UVRAG: variants seen among roughly 807,000 people sequenced by gnomAD.
UVRAG encodes UV radiation resistance associated.
UVRAG carries 19 observed loss-of-function variants against 78.0 expected under a neutral mutation model. The ratio of observed to expected loss-of-function variants is 0.24; its 90% CI spans 0.17 to 0.36. The LOEUF is 0.36. Among genes scored for constraint, UVRAG ranks in the 10% least tolerant of loss-of-function variants. The pLI, the probability that UVRAG is intolerant of heterozygous loss-of-function variation, is 1.00. For synonymous variants in UVRAG, 323 were observed against 324.6 expected (o/e 1.00, Z 0.05); for missense variants, 740 against 853.8 (o/e 0.87, Z 1.66).
intron 1 of UVRAG, among the ~76,000 whole-genome samples, chr11:75,847,024 C>A (rs2134722039): frequency 6.7e-6 from 1 of 149,862 alleles, no homozygotes; most frequent in Non-Finnish European, 1.5e-5. Flanking sequence ...GGGGTTTTGC[C>A]ATGTTAGCCA....
At chr11:76,016,227 CT>C (rs983015869) in intron 11 of UVRAG, among the ~76,000 whole-genome samples, 10 of 152,036 alleles carry the variant, frequency 6.6e-5, no homozygotes, top group Non-Finnish European at 1.5e-5. Context: ...GGTTTTTCAC[CT>C]TTTGCTTTTG....
chr11:76,044,053 A>G (rs749356904), intron 12 of UVRAG, among the ~76,000 whole-genome samples: 2 of 152,208 alleles, frequency 1.3e-5, no homozygotes, highest in African/African-American at 2.4e-5. Flanking sequence ...GCTTCAGGAA[A>G]TGCAGGCTGC....
intron 5 of UVRAG, among the ~76,000 whole-genome samples, chr11:75,905,242 C>T (rs1025044051): frequency 1.3e-5 from 2 of 152,058 alleles, no homozygotes; most frequent in Non-Finnish European, 2.9e-5. Context: ...TCCTCATCTC[C>T]TCTTAAAATG....
intron 6 of UVRAG, among the ~76,000 whole-genome samples, chr11:75,948,542 C>T (rs1044629327): frequency 2.0e-5 from 3 of 151,946 alleles, no homozygotes; most frequent in Admixed American, 6.6e-5. Flanking sequence ...TATCATGGAG[C>T]GGATTTATTT....
In UVRAG at chr11:76,004,060, T is replaced by A; in HGVS notation, c.882T>A (p.Asn294Lys). The change falls in exon 9 of 15, where the codon AAT becomes AAA. Residue 294 changes from asparagine (N) to lysine (K), a missense_variant. Physicochemically the swap from Asn to Lys is moderately conservative, Grantham distance 94. Transcript: ENST00000356136. ...TTCAACTCCAGAAGGAATCCCTAAATGAGCTGAGGAAGGAGTGCACTGCAA... is the reference window on the plus strand; with the variant it reads ...TTCAACTCCAGAAGGAATCCCTAAAAGAGCTGAGGAAGGAGTGCACTGCAA... ...LKLQLQKESL[N>K]ELRKECTAKR... The A allele has an allele frequency of 6.2e-7, 1 of 1,613,948 alleles. No individual in the cohort carries two copies. The highest frequency in any genetic ancestry group is 8.5e-7 in the Non-Finnish European group (1 of 1,179,888).
At chr11:76,096,417 G>GA (rs1216514144) in intron 13 of UVRAG, among the ~76,000 whole-genome samples, 5 of 152,110 alleles carry the variant, frequency 3.3e-5, no homozygotes, top group African/African-American at 1.2e-4. Flanking sequence ...CAGGGAGAAG[G>GA]AAAAAAATTA....
chr11:75,905,671 G>C (rs549465827), intron 5 of UVRAG, among the ~76,000 whole-genome samples: 7 of 152,040 alleles, frequency 4.6e-5, no homozygotes, highest in Admixed American at 3.9e-4. Context: ...TACACACACA[G>C]AGACACACAC....
intron 12 of UVRAG, among the ~76,000 whole-genome samples, chr11:76,021,902 A>G (rs1950252034): frequency 6.6e-6 from 1 of 152,176 alleles, no homozygotes; most frequent in South Asian, 2.1e-4. Flanking sequence ...AAAAATACAA[A>G]AATTAGCTGA....
intron 6 of UVRAG, among the ~76,000 whole-genome samples, chr11:75,917,327 G>A (rs994863038): frequency 6.6e-6 from 1 of 152,166 alleles, no homozygotes; most frequent in African/African-American, 2.4e-5. Flanking sequence ...TAACATGTGT[G>A]TGTCTTTTCT....
intron 5 of UVRAG, among the ~76,000 whole-genome samples, chr11:75,897,331 G>A (rs1451120499): frequency 6.6e-6 from 1 of 152,088 alleles, no homozygotes; most frequent in African/African-American, 2.4e-5. Flanking sequence ...TCAGTTTTAG[G>A]TTCCTCATCT....
chr11:76,093,311 T>G (rs1484709206), intron 13 of UVRAG, among the ~76,000 whole-genome samples: 1 of 152,238 alleles, frequency 6.6e-6, no homozygotes, highest in Non-Finnish European at 1.5e-5. Flanking sequence ...AGCTTTGTTC[T>G]TTTCGCTCAG....
At chr11:75,963,048 C>A (rs1405914844) in intron 7 of UVRAG, among the ~76,000 whole-genome samples, 2 of 152,144 alleles carry the variant, frequency 1.3e-5, no homozygotes, top group Non-Finnish European at 2.9e-5. Flanking sequence ...ACCTAGAAAT[C>A]ATCTGGTTCC....
At chr11:75,874,441 G>A (rs369824224) in intron 3 of UVRAG, among the ~76,000 whole-genome samples, 1 of 152,134 alleles carries the variant, frequency 6.6e-6, no homozygotes, top group Admixed American at 6.5e-5. Flanking sequence ...CAATCTAGAT[G>A]CATCTTAAAA....
At chr11:76,113,981 A>G (rs528120214) in intron 13 of UVRAG, among the ~76,000 whole-genome samples, 1 of 152,308 alleles carries the variant, frequency 6.6e-6, no homozygotes, top group South Asian at 2.1e-4. Flanking sequence ...CTCTGAAAAC[A>G]GTTCAACACC....
intron 8 of UVRAG, among the ~76,000 whole-genome samples, chr11:75,997,658 A>C (rs2135316259): frequency 6.6e-6 from 1 of 152,342 alleles, no homozygotes; most frequent in East Asian, 1.9e-4. Flanking sequence ...AGGTTTTGGC[A>C]CAGTTCTCCA....
intron 8 of UVRAG, among the ~76,000 whole-genome samples, chr11:75,987,455 T>G (rs1759811988): frequency 6.6e-6 from 1 of 152,218 alleles, no homozygotes. Flanking sequence ...GTTTTTACAG[T>G]CATCTCACCT....
chr11:75,892,536 C>G (rs1484140848), intron 5 of UVRAG: 1 of 447,754 alleles, frequency 2.2e-6, no homozygotes, highest in Non-Finnish European at 3.0e-6. Flanking sequence ...GCACAGAGAA[C>G]TTAAGTAACT....
intron 1 of UVRAG, among the ~76,000 whole-genome samples, chr11:75,840,974 G>A (rs751807583): frequency 7.2e-5 from 11 of 152,116 alleles, no homozygotes; most frequent in Non-Finnish European, 1.2e-4. Context: ...TCTTAGTTCA[G>A]TAGTTGAGTA....
chr11:75,844,199 C>T (rs552193336), intron 1 of UVRAG, among the ~76,000 whole-genome samples: 21 of 151,870 alleles, frequency 1.4e-4, no homozygotes, highest in African/African-American at 3.6e-4. Flanking sequence ...TGTATTCTAC[C>T]GTTAAGTTTT....
Sources: allele counts gnomAD v4.1 joint callset (sites outside exome capture counted in the v4.1 genomes callset), GRCh38; gene constraint gnomAD v4.1.1; transcripts MANE v1.5; gene names NCBI Gene and HGNC (gene_info 2026-07-23, HGNC 2026-07-21).